KLF15: variants seen among roughly 807,000 people sequenced by gnomAD.
The protein encoded by KLF15 is KLF transcription factor 15.
In KLF15, 4 loss-of-function variants were observed where a neutral mutation model predicts 24.6. The ratio of observed to expected loss-of-function variants is 0.16; its 90% CI spans 0.08 to 0.37. The LOEUF (loss-of-function observed/expected upper bound fraction) is 0.37. Among genes scored for constraint, KLF15 ranks in the 10% least tolerant of loss-of-function variants. The pLI is 1.00. For missense variants in KLF15, 496 were observed against 560.6 expected (o/e 0.88, Z 1.16); for synonymous variants, 246 against 236.3 (o/e 1.04, Z -0.37).
chr3:126,306,392 C>T, the KLF15 span, among the ~76,000 whole-genome samples: 22 of 152,134 alleles, frequency 1.4e-4, no homozygotes, highest in Non-Finnish European at 2.9e-4. Context: ...GTCAGCTGTT[C>T]CCCACCCCTA....
At chr3:126,326,760 C>A in the KLF15 span, among the ~76,000 whole-genome samples, 1 of 151,948 alleles carries the variant, frequency 6.6e-6, no homozygotes, top group African/African-American at 2.4e-5. Context: ...GTATTTACCT[C>A]AAAAATTTTA....
the KLF15 span, among the ~76,000 whole-genome samples, chr3:126,301,602 T>C: frequency 7.0e-6 from 1 of 143,594 alleles, no homozygotes; most frequent in Non-Finnish European, 1.5e-5. Context: ...TCTTTCTTTT[T>C]TCTTTTTCTT....
the KLF15 span, among the ~76,000 whole-genome samples, chr3:126,293,279 C>T: frequency 6.6e-6 from 1 of 152,044 alleles, no homozygotes; most frequent in Non-Finnish European, 1.5e-5. Flanking sequence ...TGTGCCACTG[C>T]ACTCTAGCAG....
chr3:126,288,692 T>C, the KLF15 span, among the ~76,000 whole-genome samples: 3 of 152,226 alleles, frequency 2.0e-5, no homozygotes, highest in African/African-American at 7.2e-5. Context: ...TCGGGGCTCA[T>C]TGTCCTGGAC....
the KLF15 span, among the ~76,000 whole-genome samples, chr3:126,301,101 T>G: frequency 6.6e-6 from 1 of 152,192 alleles, no homozygotes; most frequent in Non-Finnish European, 1.5e-5. Flanking sequence ...CTGTTTCTTC[T>G]GTGGCTAAAT....
intron 2 of KLF15, among the ~76,000 whole-genome samples, chr3:126,348,704 G>A (rs1452054090): frequency 6.6e-6 from 1 of 152,260 alleles, no homozygotes; most frequent in African/African-American, 2.4e-5. Context: ...GGCACAGAGA[G>A]GGCGGATGCC....
At chr3:126,345,927 G>A (rs974600200) in intron 2 of KLF15, among the ~76,000 whole-genome samples, 5 of 152,250 alleles carry the variant, frequency 3.3e-5, no homozygotes, top group African/African-American at 1.2e-4. Context: ...TGTCAGAGGA[G>A]GAAACTGAAG....
chr3:126,347,153 A>G (rs1165629183), intron 2 of KLF15, among the ~76,000 whole-genome samples: 1 of 152,162 alleles, frequency 6.6e-6, no homozygotes, highest in Non-Finnish European at 1.5e-5. Context: ...TAGAGCAGCT[A>G]TAATGTCAGG....
the KLF15 span, among the ~76,000 whole-genome samples, chr3:126,319,486 T>C: frequency 6.6e-5 from 10 of 152,270 alleles, no homozygotes; most frequent in African/African-American, 2.2e-4. Context: ...AACAGGCATG[T>C]GGAGGTAGCT....
At chr3:126,302,509 A>G in the KLF15 span, among the ~76,000 whole-genome samples, 1 of 152,056 alleles carries the variant, frequency 6.6e-6, no homozygotes, top group South Asian at 2.1e-4. Flanking sequence ...ATGATTGTAG[A>G]TTTATCTATT....
At chr3:126,311,717 G>A in the KLF15 span, among the ~76,000 whole-genome samples, 1 of 152,208 alleles carries the variant, frequency 6.6e-6, no homozygotes, top group African/African-American at 2.4e-5. Context: ...CAGGTTCAAG[G>A]GCACTGGACA....
chr3:126,341,890 T>C (rs1485802605), downstream of KLF15, among the ~76,000 whole-genome samples: 2 of 152,178 alleles, frequency 1.3e-5, no homozygotes, highest in Non-Finnish European at 2.9e-5. Flanking sequence ...TCTGTGTGTG[T>C]GTGCTTCATA....
At chr3:126,320,312 G>A in the KLF15 span, among the ~76,000 whole-genome samples, 8 of 152,288 alleles carry the variant, frequency 5.3e-5, 1 homozygote, top group South Asian at 4.1e-4. Flanking sequence ...TTTAAATGCC[G>A]GCTCTGACTC....
At chr3:126,315,439 T>G in the KLF15 span, among the ~76,000 whole-genome samples, 1 of 152,322 alleles carries the variant, frequency 6.6e-6, no homozygotes, top group Middle Eastern at 3.4e-3. Context: ...TCCACCCCAC[T>G]GTGCCCCAGA....
intron 2 of KLF15, among the ~76,000 whole-genome samples, chr3:126,349,604 C>T (rs1313644712): frequency 6.6e-6 from 1 of 152,210 alleles, no homozygotes; most frequent in Non-Finnish European, 1.5e-5. Flanking sequence ...GGCCTATCAG[C>T]TCTCTGGCCC....
At chr3:126,341,669 CCT>C (rs368280196), downstream of KLF15, among the ~76,000 whole-genome samples, 6 of 152,226 alleles carry the variant, frequency 3.9e-5, no homozygotes, top group East Asian at 1.2e-3. Flanking sequence ...CGGCCTCTGC[CCT>C]CTGAGATGCA....
chr3:126,311,552 A>C, the KLF15 span, among the ~76,000 whole-genome samples: 1 of 152,184 alleles, frequency 6.6e-6, no homozygotes, highest in African/African-American at 2.4e-5. Context: ...TAGGCTAGGC[A>C]CCTGGCTACA....
the KLF15 span, among the ~76,000 whole-genome samples, chr3:126,306,574 C>T: frequency 6.6e-6 from 1 of 152,248 alleles, no homozygotes; most frequent in Non-Finnish European, 1.5e-5. Context: ...TTAACATACA[C>T]ATGCACACGT....
chr3:126,302,812 A>T, the KLF15 span, among the ~76,000 whole-genome samples: 1 of 152,150 alleles, frequency 6.6e-6, no homozygotes, highest in South Asian at 2.1e-4. Flanking sequence ...GATTTCTTAT[A>T]GTAGCATACA....
Sources: allele counts gnomAD v4.1 joint callset (sites outside exome capture counted in the v4.1 genomes callset), GRCh38; gene constraint gnomAD v4.1.1; transcripts MANE v1.5; gene names NCBI Gene and HGNC (gene_info 2026-07-23, HGNC 2026-07-21).